Variants in FRMD6 observed in about 807,000 individuals in gnomAD.
FRMD6 encodes the protein FERM domain containing 6.
In FRMD6, 37 loss-of-function variants were observed where a neutral mutation model predicts 73.2. The ratio of observed to expected loss-of-function variants is 0.51; its 90% CI spans 0.39 to 0.66. The LOEUF is 0.66. Ranked by LOEUF, FRMD6 falls within the 30% of genes least tolerant of loss-of-function variation. The pLI is 0.00. For missense variants in FRMD6, 714 were observed against 780.5 expected, an observed-to-expected ratio of 0.91 and a Z score of 1.02; for synonymous variants, 273 against 282.2, an observed-to-expected ratio of 0.97 and a Z score of 0.33.
chr14:51,467,714 C>G, the FRMD6 span, among the ~76,000 whole-genome samples: 1 of 151,672 alleles, frequency 6.6e-6, no homozygotes, highest in African/African-American at 2.4e-5. Flanking sequence ...CAGAGGTGCT[C>G]CCCACATCCC....
chr14:51,639,184 C>T (rs1891709998), intron 2 of FRMD6, among the ~76,000 whole-genome samples: 1 of 152,058 alleles, frequency 6.6e-6, no homozygotes, highest in African/African-American at 2.4e-5. Context: ...TTATTACATC[C>T]CAGCACTTTG....
In FRMD6 at chr14:51,494,962, C is replaced by G. The variant is rs11848215; in HGVS notation, c.-210+5542C>G. On this transcript the variant is annotated intron_variant, in intron 1 of 14. Transcript: ENST00000356218. ...ACAATATGGATAAGCTGAGAATTTT[C>G]TAAATCTTTCAGCTCTGCTTCCATC... Among the ~76,000 whole-genome samples, 4 of 152,306 alleles carry G rather than the reference C, an allele frequency of 2.6e-5. No homozygotes were observed. In the South Asian group the frequency reaches 8.3e-4, roughly 32 times the overall value.
chr14:51,488,582 G>C (rs754550887), upstream of FRMD6, among the ~76,000 whole-genome samples: 23 of 152,158 alleles, frequency 1.5e-4, no homozygotes, highest in Non-Finnish European at 2.9e-4. Context: ...CTTCTATAAT[G>C]CTTGCCTTAT....
chr14:51,712,487 T>C lies in FRMD6; in HGVS notation c.785T>C (p.Leu262Ser). The change falls in exon 9 of 14, where the codon TTA (leucine) becomes TCA (serine). Residue 262 changes from leucine (L) to serine (S), a missense_variant. By Grantham distance (145) the Leu-to-Ser change is moderately radical (BLOSUM62 -2). Transcript: ENST00000344768. ...TMRGIQIFQN[L>S]DEEKQLLYDF... is the part of the protein sequence containing the mutation. ...ATATGCATATTCTTTTCACAGAATT[T>C]AGATGAAGAGAAACAATTACTTTAT... 6.3e-7 allele frequency: 1 copy of C among 1,581,770 alleles called. No homozygotes were observed.
the FRMD6 span, among the ~76,000 whole-genome samples, chr14:51,474,345 T>C: frequency 2.0e-5 from 3 of 152,302 alleles, no homozygotes; most frequent in Admixed American, 6.5e-5. Flanking sequence ...AAAAGTTCAT[T>C]ATGCTTAGAT....
chr14:51,436,918 T>C, the FRMD6 span: 2 of 994,920 alleles, frequency 2.0e-6, no homozygotes, highest in Admixed American at 3.9e-5. Flanking sequence ...AAGAAGAAGA[T>C]GATGATGAAG....
chr14:51,497,000 A>G (rs527859331), intron 1 of FRMD6, among the ~76,000 whole-genome samples: 1 of 152,332 alleles, frequency 6.6e-6, no homozygotes, highest in East Asian at 1.9e-4. Context: ...CTTACAAGTT[A>G]AACCATACAC....
intron 2 of FRMD6, among the ~76,000 whole-genome samples, chr14:51,584,573 C>A (rs1053622426): frequency 6.6e-6 from 1 of 152,110 alleles, no homozygotes; most frequent in Non-Finnish European, 1.5e-5. Context: ...CTGTATGGAA[C>A]CTTGTGTAAC....
intron 1 of FRMD6, among the ~76,000 whole-genome samples, chr14:51,672,515 A>C (rs1212837900): frequency 7.9e-5 from 12 of 152,208 alleles, no homozygotes; most frequent in Non-Finnish European, 4.4e-5. Flanking sequence ...AAATGTAAAA[A>C]GACTGCATTG....
chr14:51,492,284 C>T (rs1007040756), intron 1 of FRMD6, among the ~76,000 whole-genome samples: 1 of 152,140 alleles, frequency 6.6e-6, no homozygotes, highest in African/African-American at 2.4e-5. Flanking sequence ...AAATCTCTAA[C>T]CTGTTTGCCT....
chr14:51,429,711 A>G, the FRMD6 span, among the ~76,000 whole-genome samples: 1 of 152,202 alleles, frequency 6.6e-6, no homozygotes, highest in Non-Finnish European at 1.5e-5. Context: ...TACTACCTCT[A>G]TGATCTTGGG....
chr14:51,413,687 C>G, the FRMD6 span, among the ~76,000 whole-genome samples: 1 of 152,188 alleles, frequency 6.6e-6, no homozygotes, highest in Admixed American at 6.5e-5. Context: ...AATAGGATTG[C>G]TGGGTCAAAT....
chr14:51,533,952 T>C (rs1885741715), intron 1 of FRMD6, among the ~76,000 whole-genome samples: 1 of 152,198 alleles, frequency 6.6e-6, no homozygotes, highest in Admixed American at 6.5e-5. Flanking sequence ...GTAAGACCAA[T>C]AGGAAGAAAG....
chr14:51,550,255 T>G (rs1249846186), intron 1 of FRMD6, among the ~76,000 whole-genome samples: 1 of 149,252 alleles, frequency 6.7e-6, no homozygotes, highest in Non-Finnish European at 1.5e-5. Context: ...TAATTTTTTG[T>G]TTAAACAATT....
intron 1 of FRMD6, among the ~76,000 whole-genome samples, chr14:51,677,094 T>C (rs1894441109): frequency 6.6e-6 from 1 of 152,158 alleles, no homozygotes; most frequent in African/African-American, 2.4e-5. Context: ...CACTGCTTAA[T>C]TGTTTTAATG....
intron 13 of FRMD6, among the ~76,000 whole-genome samples, chr14:51,726,917 A>T (rs1458665638): frequency 1.3e-5 from 2 of 152,166 alleles, no homozygotes; most frequent in Non-Finnish European, 2.9e-5. Context: ...GAAGCAGCAA[A>T]ATTTAAAGAT....
At chr14:51,506,943 G>T (rs975752341) in intron 1 of FRMD6, among the ~76,000 whole-genome samples, 3 of 152,084 alleles carry the variant, frequency 2.0e-5, no homozygotes, top group East Asian at 1.9e-4. Flanking sequence ...CATATACTAT[G>T]ATCTCACTTA....
chr14:51,457,800 G>T, the FRMD6 span, among the ~76,000 whole-genome samples: 1 of 152,250 alleles, frequency 6.6e-6, no homozygotes, highest in Non-Finnish European at 1.5e-5. Context: ...CACCTTGAGA[G>T]AGTATGTGTT....
At chr14:51,528,660 C>CA (rs553062031) in intron 1 of FRMD6, among the ~76,000 whole-genome samples, 203 of 147,092 alleles carry the variant, frequency 1.4e-3, no homozygotes, top group African/African-American at 3.5e-3. Context: ...TGTGTTTGCT[C>CA]AAAAAAAAAA....
Sources: gnomAD v4.1 joint callset for allele counts (sites outside exome capture counted in the v4.1 genomes callset) on GRCh38, gnomAD v4.1.1 for gene constraint, MANE v1.5 for transcripts, NCBI Gene and HGNC (gene_info 2026-07-23, HGNC 2026-07-21) for gene names.